The following PLEKHA4 variants were observed in gnomAD, a reference collection of about 807,000 sequenced individuals.
PLEKHA4 encodes pleckstrin homology domain-containing family A member 4.
A neutral mutation model predicts 94.7 loss-of-function variants in PLEKHA4; 73 were observed. The observed-to-expected ratio is 0.77, with a 90% CI of 0.64 to 0.94. The LOEUF (loss-of-function observed/expected upper bound fraction) is 0.94, where lower values mean the gene tolerates loss of function less well. Among genes scored for constraint, PLEKHA4 ranks in the 40% least tolerant of loss-of-function variants. The pLI is 0.00. For missense variants in PLEKHA4, 1,049 were observed against 1,054.1 expected, an observed-to-expected ratio of 1.00 and a Z score of 0.07; for synonymous variants, 449 against 437.1, an observed-to-expected ratio of 1.03 and a Z score of -0.34.
intron 8 of PLEKHA4, 88 bp downstream of exon 8, chr19:48,858,772 C>T (rs1351572861): frequency 1.4e-6 from 2 of 1,458,896 alleles, no homozygotes; most frequent in Non-Finnish European, 1.9e-6. Flanking sequence ...CCCATGACAC[C>T]CAGGGAGCAA....
intron 13 of PLEKHA4, among the ~76,000 whole-genome samples, chr19:48,848,287 C>T (rs1236801123): frequency 6.8e-6 from 1 of 146,052 alleles, no homozygotes; most frequent in East Asian, 2.1e-4. Flanking sequence ...GAGATCGAGA[C>T]CATCCCGGCT....
At chr19:48,851,923 GA>G (rs902322882) in intron 13 of PLEKHA4, among the ~76,000 whole-genome samples, 65 of 152,208 alleles carry the variant, frequency 4.3e-4, no homozygotes, top group African/African-American at 1.5e-3. Flanking sequence ...CAGCCTGGGC[GA>G]CAGAGTGAGA....
intron 8 of PLEKHA4, among the ~76,000 whole-genome samples, chr19:48,857,896 C>T (rs1358370818): frequency 6.7e-6 from 1 of 150,194 alleles, no homozygotes; most frequent in African/African-American, 2.5e-5. Context: ...GCGAGAAACA[C>T]CCAAGAATGA....
intron 14 of PLEKHA4, among the ~76,000 whole-genome samples, chr19:48,847,328 C>T (rs2036003531): frequency 6.6e-6 from 1 of 152,096 alleles, no homozygotes; most frequent in Non-Finnish European, 1.5e-5. Context: ...CCCAGCTACT[C>T]AGGAAGCTGA....
chr19:48,847,748 A>G (rs1312620040), intron 14 of PLEKHA4, 152 bp downstream of exon 14: 20 of 935,802 alleles, frequency 2.1e-5, no homozygotes, highest in Non-Finnish European at 2.6e-5. Context: ...ACCCCCGAAA[A>G]AAAAGAAAAC....
chr19:48,838,162 G>T, intron 18 of PLEKHA4, 33 bp from the exon 19 acceptor site: 2 of 1,257,922 alleles, frequency 1.6e-6, no homozygotes, highest in Non-Finnish European at 2.3e-6. Flanking sequence ...GGGTGGGGGT[G>T]TGTACATGGG....
At position 48,859,114 on chromosome 19, in the gene PLEKHA4, G is replaced by A. The variant is rs1195112236; in HGVS notation, c.718C>T (p.Pro240Ser). ...PDLFTPLSRP[P>S]SPLSLPRPRS... The stretch of plus-strand genomic sequence containing the variant: ...GGACGGGGGAGGCTCAGAGGCGAGG[G>A]AGGGCGAGAGAGGGGGGTGAACAGG... Residue 240 changes from proline to serine, a missense_variant, in exon 8 of 20, where the codon CCC becomes TCC. Pro to Ser is a moderately conservative substitution (Grantham distance 74, BLOSUM62 -1). Transcript: ENST00000263265. The A allele has an allele frequency of 5.3e-6, 8 of 1,511,528 alleles. No homozygotes were observed. Among genetic ancestry groups the A allele is most frequent in the African/African-American group, 1.4e-5 (1 of 70,860 alleles). 93.6% of individuals were successfully genotyped at this position (1,511,528 alleles called of 1,614,324 possible).
At chr19:48,845,478 G>A (rs1179678124) in intron 15 of PLEKHA4, 32 bp from the exon 16 acceptor site, 22 of 1,613,590 alleles carry the variant, frequency 1.4e-5, no homozygotes, top group East Asian at 2.2e-5. Context: ...TGGTGAGGAC[G>A]GGAATTTCCG....
At chr19:48,859,305 G>T in intron 7 of PLEKHA4, 164 bp downstream of exon 7, 1 of 908,700 alleles carries the variant, frequency 1.1e-6, no homozygotes, top group Non-Finnish European at 1.7e-6. Flanking sequence ...TGTCCGCTTT[G>T]TGGCATCTTC....
At chr19:48,857,586 C>T in intron 8 of PLEKHA4, 90 bp from the exon 9 acceptor site, 1 of 746,184 alleles carries the variant, frequency 1.3e-6, no homozygotes, top group Non-Finnish European at 2.3e-6. Context: ...ATTCTTCTGC[C>T]TTGGGATCCT....
chr19:48,859,743 CTT>C lies in PLEKHA4; in HGVS notation c.477-61_477-60del, dbSNP rs960441305. On this transcript the variant is annotated intron_variant, in intron 6 of 19. Coordinates refer to ENST00000263265, the MANE Select transcript of PLEKHA4 (RefSeq NM_020904.3). Reference sequence around the variant, plus strand: ...TCGAACTTCATAACAGCCCTATTCTCTTGTCACAGGTGAGAACACAAGGATGC... The same window carrying C: ...TCGAACTTCATAACAGCCCTATTCTCGTCACAGGTGAGAACACAAGGATGC... 4 of 1,479,400 alleles carry C rather than the reference CTT, an allele frequency of 2.7e-6. No homozygotes were observed. The South Asian group carries it at 3.5e-5, about 13-fold the overall frequency. 91.6% of individuals were successfully genotyped at this position (1,479,400 alleles called of 1,614,324 possible).
chr19:48,859,743 C>A, intron 6 of PLEKHA4, 59 bp from the exon 7 acceptor site: 1 of 1,479,518 alleles, frequency 6.8e-7, no homozygotes. Context: ...GCCCTATTCT[C>A]TTGTCACAGG....
intron 9 of PLEKHA4, among the ~76,000 whole-genome samples, chr19:48,857,180 G>C (rs576128662): frequency 6.6e-6 from 1 of 152,212 alleles, no homozygotes; most frequent in African/African-American, 2.4e-5. Context: ...ACCTTCAGTG[G>C]AAGTATAGCC....
chr19:48,857,443 G>C lies in PLEKHA4; in HGVS notation c.1026C>G (p.Thr342=). The C allele has an allele frequency of 6.4e-7, 1 of 1,554,224 alleles. No homozygotes were observed. The highest frequency in any genetic ancestry group is 1.2e-5 in the South Asian group (1 of 82,752). The change falls in exon 9 of 20, where the codon ACC becomes ACG. Residue 342 remains threonine (T), a synonymous_variant. Transcript: ENST00000263265. ...CTACCAATAAAACCATGGAGGCCCGGGTCCCAGGGGGCCGCGGGGGGAGCT... is the reference window on the plus strand; with the variant it reads ...CTACCAATAAAACCATGGAGGCCCGCGTCCCAGGGGGCCGCGGGGGGAGCT... ...YLQLPPRPPG[T]RASMVLLPGP...
chr19:48,852,135 T>C, intron 13 of PLEKHA4, 93 bp downstream of exon 13: 1 of 998,176 alleles, frequency 1.0e-6, no homozygotes. Context: ...GGGCGGGGCC[T>C]CGATTCTGTG....
At chr19:48,859,208 A>C (rs887511011) in intron 7 of PLEKHA4, 69 bp from the exon 8 acceptor site, 20 of 1,232,870 alleles carry the variant, frequency 1.6e-5, no homozygotes, top group Non-Finnish European at 1.1e-6. Flanking sequence ...TTACCCATCA[A>C]GTCAGCCTCA....
chr19:48,837,280 T>A lies in PLEKHA4; in HGVS notation c.*9A>T. On this transcript the variant is annotated 3_prime_UTR_variant, in exon 20 of 20. Coordinates refer to ENST00000263265, the MANE Select transcript of PLEKHA4 (RefSeq NM_020904.3). The surrounding 1 kb of genome is among the most constrained non-coding windows in gnomAD (Gnocchi z 4.3). Reference sequence around the variant, plus strand: ...CTCGCGCTCCGATTGGCTGCCGCTTTTGGGCGGATTAGAAGCTGGATTGTA... The same window carrying A: ...CTCGCGCTCCGATTGGCTGCCGCTTATGGGCGGATTAGAAGCTGGATTGTA... 1 of 1,613,906 alleles carries A rather than the reference T, an allele frequency of 6.2e-7. No homozygotes were observed. The highest frequency in any genetic ancestry group is 8.5e-7 in the Non-Finnish European group (1 of 1,179,964).
intron 3 of PLEKHA4, among the ~76,000 whole-genome samples, chr19:48,865,123 C>T (rs1330249400): frequency 2.6e-5 from 4 of 152,062 alleles, no homozygotes; most frequent in African/African-American, 4.8e-5. Context: ...GCGGGTGGAT[C>T]ACTTGAGGTC....
At chr19:48,855,825 C>G (rs2036383496) in intron 9 of PLEKHA4, among the ~76,000 whole-genome samples, 1 of 150,398 alleles carries the variant, frequency 6.6e-6, no homozygotes, top group African/African-American at 2.4e-5. Context: ...TAAAAAAAAA[C>G]AAAAAACAGC....
Sources: gnomAD v4.1 joint callset for allele counts (sites outside exome capture counted in the v4.1 genomes callset) on GRCh38, gnomAD v4.1.1 for gene constraint, Gnocchi (gnomAD v3.1) non-coding constraint, MANE v1.5 for transcripts, NCBI Gene and HGNC (gene_info 2026-07-23, HGNC 2026-07-21) for gene names.